Variants in PCDHGB5 observed in about 807,000 individuals in gnomAD.
PCDHGB5 encodes the protein protocadherin gamma subfamily B, 5, also known as protocadherin gamma-B5.
A neutral mutation model predicts 62.9 loss-of-function variants in PCDHGB5; 48 were observed. That is an observed-to-expected ratio of 0.76 (90% CI 0.61 to 0.97). The LOEUF (loss-of-function observed/expected upper bound fraction) is 0.97. Ranked by LOEUF, PCDHGB5 falls within the 50% of genes least tolerant of loss-of-function variation. The pLI is 0.00. For synonymous variants in PCDHGB5, 474 were observed against 511.2 expected, an observed-to-expected ratio of 0.93 and a Z score of 0.98; for missense variants, 1,118 against 1,198.6, an observed-to-expected ratio of 0.93 and a Z score of 0.99.
chr5:141,478,292 C>T, intron 1 of PCDHGB5: 1 of 1,614,146 alleles, frequency 6.2e-7, no homozygotes, highest in Non-Finnish European at 8.5e-7. Flanking sequence ...GTCTAGAGAC[C>T]TATACCGAGC....
In PCDHGB5 at chr5:141,512,009, CAAGTT is replaced by C. The variant is rs1409890580; in HGVS notation, c.*838_*842del. On this transcript the variant is annotated 3_prime_UTR_variant, in exon 4 of 4. Transcript: ENST00000617380. ...GGGGCATGGACAAAGCTTGACACATCAAGTTATCAAGGCCTTGGAGGAGGCTCTGT... is the reference window on the plus strand; with the variant it reads ...GGGGCATGGACAAAGCTTGACACATCATCAAGGCCTTGGAGGAGGCTCTGT... 1 of 153,074 alleles carries C rather than the reference CAAGTT, an allele frequency of 6.5e-6. No individual in the cohort carries two copies. The highest frequency in any genetic ancestry group is 1.9e-4 in the East Asian group (1 of 5,182). 9.5% of individuals were successfully genotyped at this position (153,074 alleles called of 1,614,324 possible).
chr5:141,500,104 T>C (rs917633032), intron 2 of PCDHGB5, among the ~76,000 whole-genome samples: 1 of 152,124 alleles, frequency 6.6e-6, no homozygotes, highest in Non-Finnish European at 1.5e-5. Context: ...AATTTATTTG[T>C]TGAATCCCTG....
At chr5:141,455,874 T>C (rs2098834969) in intron 1 of PCDHGB5, among the ~76,000 whole-genome samples, 1 of 146,458 alleles carries the variant, frequency 6.8e-6, no homozygotes, top group South Asian at 2.1e-4. Flanking sequence ...TTTATTTATT[T>C]ATTTATTTAT....
At chr5:141,464,430 T>C (rs1213919443) in intron 1 of PCDHGB5, among the ~76,000 whole-genome samples, 1 of 151,680 alleles carries the variant, frequency 6.6e-6, no homozygotes, top group Non-Finnish European at 1.5e-5. Flanking sequence ...TATATAGATA[T>C]ATATGTTTGT....
intron 1 of PCDHGB5, chr5:141,408,845 T>C (rs560368079): frequency 1.9e-6 from 3 of 1,613,670 alleles, no homozygotes; most frequent in Non-Finnish European, 8.5e-7. Flanking sequence ...ATTGACTGCC[T>C]TGGACGGAGG....
At chr5:141,403,219 G>A in intron 1 of PCDHGB5, 1 of 1,613,980 alleles carries the variant, frequency 6.2e-7, no homozygotes, top group South Asian at 1.1e-5. Flanking sequence ...CCGCGGGTAG[G>A]ATAGACCGGG....
In PCDHGB5 at chr5:141,399,141, C is replaced by G; in HGVS notation, c.1014C>G (p.Asp338Glu). 1 of 1,613,778 alleles carries G rather than the reference C, an allele frequency of 6.2e-7. No homozygotes were observed. The highest frequency in any genetic ancestry group is 8.5e-7 in the Non-Finnish European group (1 of 1,179,826). The change falls in exon 1 of 4, where the codon GAC (aspartate) becomes GAG (glutamate). Residue 338 changes from aspartate (D) to glutamate (E), a missense_variant. By Grantham distance (45) the Asp-to-Glu change is conservative. Coordinates refer to ENST00000617380, the MANE Select transcript of PCDHGB5 (RefSeq NM_018925.3). ...TVEINIQDEN[D>E]NSPEVTFHSL... is the part of the protein sequence containing the mutation. ...AAATTAATATTCAAGATGAAAATGA[C>G]AATAGCCCAGAAGTTACATTCCATT... is the stretch of plus-strand genomic sequence containing the variant.
rs2099746025 is a variant in PCDHGB5 at position 141,493,066 on chromosome 5, T to C, written c.2398-1741T>C. On this transcript the variant is annotated intron_variant, in intron 1 of 3. Coordinates refer to ENST00000617380, the MANE Select transcript of PCDHGB5 (RefSeq NM_018925.3). This position sits in a 1 kb window ranked among gnomAD's most constrained non-coding sequence, Gnocchi z 4.3. ...AACTACAATAGTAAAAAACACAAGT[T>C]TCTCCAACTCCAGGAGCTTTTATTC... Among the ~76,000 whole-genome samples the C allele has an allele frequency of 6.6e-6, 1 of 152,202 alleles. No homozygotes were observed. Among genetic ancestry groups the C allele is most frequent in the East Asian group, 1.9e-4 (1 of 5,194 alleles).
intron 1 of PCDHGB5, chr5:141,421,419 A>T (rs778839137): frequency 1.2e-6 from 2 of 1,614,072 alleles, no homozygotes; most frequent in Non-Finnish European, 1.7e-6. Context: ...CGAAGCGCGG[A>T]GTCCGCATCG....
At position 141,399,725 on chromosome 5, in the gene PCDHGB5, A is replaced by G. The variant is rs2093873556; in HGVS notation, c.1598A>G (p.Gln533Arg). ...TFELTLQARD[Q>R]GSPALSANVS... Reference sequence around the variant, plus strand: ...GAACTCACACTACAGGCCCGCGACCAGGGCTCGCCTGCGCTCAGCGCAAAC... The same window carrying G: ...GAACTCACACTACAGGCCCGCGACCGGGGCTCGCCTGCGCTCAGCGCAAAC... Residue 533 changes from glutamine (Q) to arginine (R), a missense_variant, in exon 1 of 4, where the codon CAG becomes CGG. By Grantham distance (43) the Gln-to-Arg change is conservative. This residue lies in a region of PCDHGB5 where 1,034 missense variants were observed against 1,029.1 expected (regional missense o/e 1.00). Coordinates refer to ENST00000617380, the MANE Select transcript of PCDHGB5 (RefSeq NM_018925.3). The G allele has an allele frequency of 6.2e-7, 1 of 1,613,192 alleles. No homozygotes were observed. Among genetic ancestry groups the G allele is most frequent in the Admixed American group, 1.7e-5 (1 of 59,986 alleles).
chr5:141,466,090 C>A (rs983505253), intron 1 of PCDHGB5, among the ~76,000 whole-genome samples: 2 of 152,068 alleles, frequency 1.3e-5, no homozygotes, highest in African/African-American at 4.8e-5. Context: ...CCACTGCACT[C>A]CAGCCTGGGC....
intron 1 of PCDHGB5, among the ~76,000 whole-genome samples, chr5:141,433,697 CGTG>C (rs1176871032): frequency 6.6e-6 from 1 of 152,020 alleles, no homozygotes; most frequent in Non-Finnish European, 1.5e-5. Context: ...ATTAGCCGGG[CGTG>C]GTGGTGCATG....
intron 2 of PCDHGB5, among the ~76,000 whole-genome samples, chr5:141,500,674 G>T (rs554174451): frequency 4.2e-4 from 64 of 152,122 alleles, no homozygotes; most frequent in Non-Finnish European, 6.6e-4. Flanking sequence ...CTGTCCAACA[G>T]AATTATAGCT....
At position 141,409,941 on chromosome 5, in the gene PCDHGB5, G is replaced by C. The variant is rs757414302; in HGVS notation, c.2397+9417G>C. ...TCCGCGTTCTTCGATATGGTACCTC[G>C]CTCTGCAGAGCCCGGCTACCTAGTG... On this transcript the variant is annotated intron_variant, in intron 1 of 3. Transcript: ENST00000617380. 1.9e-6 allele frequency: 3 copies of C among 1,613,226 alleles called. No homozygotes were observed. In the South Asian group the frequency reaches 3.3e-5, roughly 18 times the overall value.
intron 1 of PCDHGB5, chr5:141,422,581 G>C: frequency 6.2e-7 from 1 of 1,613,984 alleles, no homozygotes; most frequent in Non-Finnish European, 8.5e-7. Context: ...TAACCCTCCC[G>C]TTTTTCCTCA....
In PCDHGB5 at chr5:141,511,539, C is replaced by CGAGAT; in HGVS notation, c.*366_*367insGAGAT. 3.0e-6 allele frequency: 1 copy of CGAGAT among 328,342 alleles called. No individual in the cohort carries two copies. Among genetic ancestry groups the CGAGAT allele is most frequent in the South Asian group, 3.2e-5 (1 of 31,708 alleles). 20.3% of individuals were successfully genotyped at this position (328,342 alleles called of 1,614,324 possible). On this transcript the variant is annotated 3_prime_UTR_variant, in exon 4 of 4. Transcript: ENST00000617380. ...CATCCCATGCCTCCCTCCTCCCCAC[C>CGAGAT]CCACTCCAACAGTTCCTCTTTCCCG...
chr5:141,420,669 G>A (rs1018355067), intron 1 of PCDHGB5, among the ~76,000 whole-genome samples: 2 of 152,202 alleles, frequency 1.3e-5, no homozygotes, highest in South Asian at 2.1e-4. Context: ...CATCCTACCT[G>A]ATGATTTTAT....
rs750804901 is a variant in PCDHGB5, at chr5:141,476,422, C to T, written c.2398-18385C>T. ...GAGAGGAGCTGTGTGGGACACTGCC[C>T]TCTTGCACTGTAACTCTGGAGTTGG... On this transcript the variant is annotated intron_variant, in intron 1 of 3. Transcript: ENST00000617380. The surrounding 1 kb of genome is among the most constrained non-coding windows in gnomAD (Gnocchi z 7.6). The T allele has an allele frequency of 1.7e-5, 28 of 1,614,026 alleles. No homozygotes were observed. Among genetic ancestry groups the T allele is most frequent in the East Asian group, 2.2e-5 (1 of 44,860 alleles).
intron 1 of PCDHGB5, chr5:141,404,736 A>T: frequency 6.2e-7 from 1 of 1,613,622 alleles, no homozygotes. Context: ...GTGGCAGTGG[A>T]CAGAGACTCA....
Sources: allele counts gnomAD v4.1 joint callset (sites outside exome capture counted in the v4.1 genomes callset), GRCh38; gene constraint gnomAD v4.1.1; regional missense constraint gnomAD v4.1.1; non-coding constraint Gnocchi (gnomAD v3.1); transcripts MANE v1.5; gene names NCBI Gene and HGNC (gene_info 2026-07-23, HGNC 2026-07-21).